PDGFD: variants seen among roughly 807,000 people sequenced by gnomAD.
PDGFD encodes the protein platelet-derived growth factor D.
Under a neutral mutation model 44.7 loss-of-function variants are expected in PDGFD, and 30 were observed. The observed-to-expected ratio is 0.67, with a 90% CI of 0.50 to 0.91. PDGFD has a LOEUF of 0.91. Among genes scored for constraint, PDGFD ranks in the 40% least tolerant of loss-of-function variants. The pLI, the probability that PDGFD is intolerant of heterozygous loss-of-function variation, is 0.00. For synonymous variants in PDGFD, 173 were observed against 168.4 expected, an observed-to-expected ratio of 1.03 and a Z score of -0.21; for missense variants, 445 against 457.8, an observed-to-expected ratio of 0.97 and a Z score of 0.25.
chr11:104,045,383 T>C (rs1162035848), intron 1 of PDGFD, among the ~76,000 whole-genome samples: 3 of 152,124 alleles, frequency 2.0e-5, no homozygotes, highest in African/African-American at 4.8e-5. Flanking sequence ...AATTAAATAA[T>C]CCTACAAATT....
At chr11:103,951,846 C>T (rs1285950326) in intron 3 of PDGFD, among the ~76,000 whole-genome samples, 1 of 152,168 alleles carries the variant, frequency 6.6e-6, no homozygotes, top group Non-Finnish European at 1.5e-5. Flanking sequence ...TTATGGTTAT[C>T]TGAAATAATT....
rs147211223 is a variant in PDGFD at position 104,051,295 on chromosome 11, C to A, written c.125-51040G>T. 3.5e-3 allele frequency among the ~76,000 whole-genome samples: 538 copies of A among 152,208 alleles called. 5 individuals carry two copies. The highest frequency in any genetic ancestry group is 0.021 in the South Asian group (101 of 4,822). On this transcript the variant is annotated intron_variant, in intron 1 of 6. Coordinates refer to ENST00000393158, the MANE Select transcript of PDGFD (RefSeq NM_025208.5). ...ATTTTAATGGTATTGACCACAAGGA[C>A]CCCAACATGAACTGAAAATTAGTTG...
In PDGFD at chr11:103,982,261, G is replaced by C. The variant is rs540781088; in HGVS notation, c.510+13804C>G. On this transcript the variant is annotated intron_variant, in intron 3 of 6. Coordinates refer to ENST00000393158, the MANE Select transcript of PDGFD (RefSeq NM_025208.5). ...TATACTGTCACTTAATATGTCATTGGGGATAGATTTTTTTGCTTTTACTCC... is the reference window on the plus strand; with the variant it reads ...TATACTGTCACTTAATATGTCATTGCGGATAGATTTTTTTGCTTTTACTCC... Among the ~76,000 whole-genome samples the C allele has an allele frequency of 4.6e-5, 7 of 151,822 alleles. No individual in the cohort carries two copies. The East Asian group carries it at 1.4e-3, about 29-fold the overall frequency.
In PDGFD at chr11:103,920,399, A is replaced by C. The variant is rs202031707; in HGVS notation, c.987+6513T>G. On this transcript the variant is annotated intron_variant, in intron 6 of 6. Coordinates refer to ENST00000393158, the MANE Select transcript of PDGFD (RefSeq NM_025208.5). ...TACATGTTCAGCCTACCAATTGCAG[A>C]AAACATAATGGAAAGCCTGGGTGGG... 2.6e-5 allele frequency among the ~76,000 whole-genome samples: 4 copies of C among 152,382 alleles called. No homozygotes were observed. The East Asian group carries it at 7.7e-4, about 29-fold the overall frequency.
intron 3 of PDGFD, among the ~76,000 whole-genome samples, chr11:103,955,181 A>T (rs1447020356): frequency 6.5e-5 from 3 of 46,068 alleles, no homozygotes; most frequent in Admixed American, 2.7e-4. Flanking sequence ...AAAAAAAAAA[A>T]AAAAAAAAAA....
chr11:104,046,261 C>A (rs1466549365), intron 1 of PDGFD, among the ~76,000 whole-genome samples: 1 of 147,538 alleles, frequency 6.8e-6, no homozygotes, highest in Non-Finnish European at 1.5e-5. Flanking sequence ...CCAACCAGTT[C>A]TTCAATTCAC....
In PDGFD at chr11:104,047,446, G is replaced by A. The variant is rs933590946; in HGVS notation, c.125-47191C>T. Among the ~76,000 whole-genome samples the A allele has an allele frequency of 2.7e-5, 4 of 147,180 alleles. 1 individual carries two copies. Among genetic ancestry groups the A allele is most frequent in the Admixed American group, 1.4e-4 (2 of 14,686 alleles). On this transcript the variant is annotated intron_variant, in intron 1 of 6. Coordinates refer to ENST00000393158, the MANE Select transcript of PDGFD (RefSeq NM_025208.5). ...ATGATTGCCATTCTAACTGGCATGA[G>A]ATGGTAACTCATTGTGGTTTTGATT...
At chr11:104,021,449 T>C (rs1202400475) in intron 1 of PDGFD, among the ~76,000 whole-genome samples, 1 of 152,160 alleles carries the variant, frequency 6.6e-6, no homozygotes, top group Non-Finnish European at 1.5e-5. Context: ...GGAATGTGAA[T>C]TGACTGAGAC....
At chr11:104,001,744 C>A (rs1859623067) in intron 1 of PDGFD, among the ~76,000 whole-genome samples, 1 of 152,144 alleles carries the variant, frequency 6.6e-6, no homozygotes, top group Non-Finnish European at 1.5e-5. Context: ...TGTTATCCTG[C>A]AGAGAGTTTA....
chr11:103,985,719 CATGGAAGA>C (rs1431994422), intron 3 of PDGFD, among the ~76,000 whole-genome samples: 2 of 149,174 alleles, frequency 1.3e-5, no homozygotes, highest in African/African-American at 5.2e-5. Flanking sequence ...GTGGTCAGAA[CATGGAAGA>C]CTCTCAGTAT....
intron 1 of PDGFD, among the ~76,000 whole-genome samples, chr11:104,109,231 T>C (rs1389543935): frequency 6.6e-6 from 1 of 152,074 alleles, no homozygotes; most frequent in Non-Finnish European, 1.5e-5. Flanking sequence ...ACTAACATCA[T>C]GTAGTACAAA....
chr11:104,037,180 C>T lies in PDGFD; in HGVS notation c.125-36925G>A, dbSNP rs145797229. The T allele has an allele frequency of 1.7e-4, 277 of 1,613,532 alleles. No individual in the cohort carries two copies. Among genetic ancestry groups the T allele is most frequent in the Non-Finnish European group, 2.2e-4 (254 of 1,180,000 alleles). On this transcript the variant is annotated intron_variant, in intron 1 of 6. Transcript: ENST00000393158. Reference sequence around the variant, plus strand: ...CCCTGGACAGCAGCAGCAGCGCACACCCGCTGCCCAGCGGTCACAGGGCTT... The same window carrying T: ...CCCTGGACAGCAGCAGCAGCGCACATCCGCTGCCCAGCGGTCACAGGGCTT...
intron 3 of PDGFD, among the ~76,000 whole-genome samples, chr11:103,976,648 C>T (rs963085642): frequency 3.3e-5 from 5 of 151,778 alleles, no homozygotes; most frequent in African/African-American, 7.3e-5. Context: ...CAGTTCAGTA[C>T]GATATTGGCT....
chr11:103,929,296 GGAA>G (rs1858364866), intron 5 of PDGFD, among the ~76,000 whole-genome samples: 1 of 152,156 alleles, frequency 6.6e-6, no homozygotes, highest in Admixed American at 6.5e-5. Flanking sequence ...ATTAGTTGAA[GGAA>G]GAAGACCAGT....
At chr11:103,940,504 T>C (rs1022938861) in intron 5 of PDGFD, among the ~76,000 whole-genome samples, 2 of 152,150 alleles carry the variant, frequency 1.3e-5, no homozygotes, top group African/African-American at 4.8e-5. Flanking sequence ...GGCAAAGTTT[T>C]ATTTGACACC....
intron 6 of PDGFD, among the ~76,000 whole-genome samples, chr11:103,916,207 A>T (rs1858122643): frequency 6.6e-6 from 1 of 152,240 alleles, no homozygotes; most frequent in African/African-American, 2.4e-5. Flanking sequence ...ACAAAGGCTA[A>T]TATCCAGAAT....
intron 1 of PDGFD, among the ~76,000 whole-genome samples, chr11:104,095,185 C>T (rs1304263406): frequency 6.6e-6 from 1 of 152,098 alleles, no homozygotes; most frequent in Admixed American, 6.6e-5. Context: ...CAGTATTCTT[C>T]CCTTATTGAA....
chr11:104,118,917 C>T (rs375971822), intron 1 of PDGFD, among the ~76,000 whole-genome samples: 4 of 75,256 alleles, frequency 5.3e-5, no homozygotes, highest in East Asian at 3.9e-4. Flanking sequence ...ATATTATATA[C>T]ATAATATATT....
At chr11:104,037,161 A>AGAG (rs746916529) in intron 1 of PDGFD, 71 of 1,613,588 alleles carry the variant, frequency 4.4e-5, no homozygotes, top group Non-Finnish European at 6.0e-5. Flanking sequence ...AGCACCCTGG[A>AGAG]CAGCAGCAGC....
Sources: gnomAD v4.1 joint callset for allele counts (sites outside exome capture counted in the v4.1 genomes callset) on GRCh38, gnomAD v4.1.1 for gene constraint, MANE v1.5 for transcripts, NCBI Gene and HGNC (gene_info 2026-07-23, HGNC 2026-07-21) for gene names.